MTAP: variants seen among roughly 807,000 people sequenced by gnomAD.
The protein encoded by MTAP is methylthioadenosine phosphorylase, also known as S-methyl-5'-thioadenosine phosphorylase.
A neutral mutation model predicts 33.6 loss-of-function variants in MTAP; 33 were observed. That is an observed-to-expected ratio of 0.98 (90% CI 0.74 to 1.31). MTAP has a LOEUF of 1.31. MTAP is among the 40% of genes most tolerant of loss of function. The pLI is 0.00. For synonymous variants in MTAP, 148 were observed against 125.7 expected (o/e 1.18, Z -1.19); for missense variants, 367 against 360.0 (o/e 1.02, Z -0.16).
chr9:21,900,670 A>G (rs1818376539), intron 1 of MTAP, among the ~76,000 whole-genome samples: 1 of 152,240 alleles, frequency 6.6e-6, no homozygotes, highest in Non-Finnish European at 1.5e-5. Context: ...TACTGGGTAT[A>G]TACCCAAACG....
intron 1 of MTAP, among the ~76,000 whole-genome samples, chr9:21,902,057 A>C (rs1818401482): frequency 6.6e-6 from 1 of 152,226 alleles, no homozygotes; most frequent in African/African-American, 2.4e-5. Flanking sequence ...ACAGGCAAGG[A>C]ACAGGTGCCA....
At chr9:21,919,983 A>G (rs945027962) in intron 1 of MTAP, among the ~76,000 whole-genome samples, 1 of 152,188 alleles carries the variant, frequency 6.6e-6, no homozygotes, top group African/African-American at 2.4e-5. Context: ...AGTTATTTCT[A>G]AACAGAACTT....
At chr9:21,822,551 T>C (rs1341534891) in intron 4 of MTAP, among the ~76,000 whole-genome samples, 1 of 152,192 alleles carries the variant, frequency 6.6e-6, no homozygotes, top group African/African-American at 2.4e-5. Flanking sequence ...TACTTCCAAC[T>C]ATGTGGTCAA....
chr9:21,923,032 T>A (rs553744381), intron 1 of MTAP, among the ~76,000 whole-genome samples: 1 of 152,228 alleles, frequency 6.6e-6, no homozygotes, highest in Non-Finnish European at 1.5e-5. Context: ...CCCACCACAC[T>A]GTCTACCTCA....
At position 21,908,289 on chromosome 9, in the gene MTAP, T is replaced by A. The variant is rs1000563764; in HGVS notation, c.148-22719T>A. 2.0e-5 allele frequency among the ~76,000 whole-genome samples: 3 copies of A among 152,304 alleles called. No homozygotes were observed. The East Asian group carries it at 5.8e-4, about 29-fold the overall frequency. ...GGAGATTCACCTAGATTGTTGCCTG[T>A]ATCAATATTTTTATTCCATTCTATT... On this transcript the variant is annotated intron_variant, in intron 1 of 1. Coordinates refer to the MTAP transcript ENST00000577563.
intron 1 of MTAP, among the ~76,000 whole-genome samples, chr9:21,873,357 C>A (rs1825961828): frequency 6.6e-6 from 1 of 152,098 alleles, no homozygotes. Flanking sequence ...ATTTCTGTGT[C>A]CTCCTAAAAT....
downstream of MTAP, among the ~76,000 whole-genome samples, chr9:21,870,703 C>T (rs1055189851): frequency 6.6e-5 from 10 of 151,174 alleles, 1 homozygote; most frequent in Admixed American, 5.9e-4. Flanking sequence ...AATTTTTATT[C>T]TTCAAATACT....
At chr9:21,838,543 A>T (rs1825165807) in intron 5 of MTAP, among the ~76,000 whole-genome samples, 1 of 152,218 alleles carries the variant, frequency 6.6e-6, no homozygotes, top group Admixed American at 6.5e-5. Context: ...GCTTTTGTGA[A>T]TTAAATTACT....
chr9:21,892,554 C>G (rs748303772), intron 1 of MTAP: 5 of 152,148 alleles, frequency 3.3e-5, no homozygotes, highest in Non-Finnish European at 7.4e-5. Flanking sequence ...GGGTTTAATT[C>G]CACAGGAAGA....
In MTAP at chr9:21,878,745, G is replaced by A. The variant is rs577448943; in HGVS notation, c.147+23875G>A. 2.4e-4 allele frequency among the ~76,000 whole-genome samples: 36 copies of A among 152,244 alleles called. No homozygotes were observed. In the South Asian group the frequency reaches 6.0e-3, roughly 25 times the overall value. Reference sequence around the variant, plus strand: ...TGTTTTGTGTGTTCCAGAAATTTTAGCAAGTTGTATCTCTGTTCTCATTAG... The same window carrying A: ...TGTTTTGTGTGTTCCAGAAATTTTAACAAGTTGTATCTCTGTTCTCATTAG... On this transcript the variant is annotated intron_variant, in intron 1 of 1. Transcript: ENST00000577563.
In MTAP at chr9:21,864,203, T is replaced by C. The variant is rs905348704; in HGVS notation, c.*2189T>C. The C allele has an allele frequency of 2.0e-6, 2 of 985,328 alleles. No individual in the cohort carries two copies. The highest frequency in any genetic ancestry group is 2.4e-6 in the Non-Finnish European group (2 of 829,938). 61.0% of individuals were successfully genotyped at this position (985,328 alleles called of 1,614,324 possible). A position where few individuals can be genotyped will look rare whatever the true frequency, so the allele number is the denominator to read the frequency against. ...TTCTCTAGCAACATCATTTTCAGAC[T>C]AACTAAATGAATGCAGTATACTCTT... On this transcript the variant is annotated 3_prime_UTR_variant, in exon 8 of 8. Transcript: ENST00000644715.
intron 4 of MTAP, among the ~76,000 whole-genome samples, chr9:21,822,284 T>G (rs1312200582): frequency 6.6e-6 from 1 of 152,242 alleles, no homozygotes; most frequent in Non-Finnish European, 1.5e-5. Context: ...TAAATTTCCC[T>G]CTACACACTG....
At chr9:21,889,277 G>C (rs1307208601) in intron 1 of MTAP, among the ~76,000 whole-genome samples, 1 of 151,822 alleles carries the variant, frequency 6.6e-6, no homozygotes, top group Non-Finnish European at 1.5e-5. Flanking sequence ...TTGTTGAATT[G>C]TTTCATCCAT....
At chr9:21,817,123 A>G (rs1470088048) in intron 3 of MTAP, among the ~76,000 whole-genome samples, 2 of 152,176 alleles carry the variant, frequency 1.3e-5, no homozygotes, top group Non-Finnish European at 2.9e-5. Context: ...GGTAGTAGTT[A>G]TATGTCTGTG....
At chr9:21,860,433 C>T (rs1000711775) in intron 7 of MTAP, 5 of 152,114 alleles carry the variant, frequency 3.3e-5, no homozygotes, top group South Asian at 2.1e-4. Context: ...TTAGGACTGA[C>T]GGTCAAGAAT....
At position 21,922,981 on chromosome 9, in the gene MTAP, C is replaced by T. The variant is rs976915959; in HGVS notation, c.148-8027C>T. On this transcript the variant is annotated intron_variant, in intron 1 of 1. Coordinates refer to the MTAP transcript ENST00000577563. This position sits in a 1 kb window ranked among gnomAD's most constrained non-coding sequence, Gnocchi z 4.8. ...TTCCCCAAAACCCACACCACCTATT[C>T]TCCTGTTTTCTCTGTGTGTGTTCTG... Among the ~76,000 whole-genome samples the T allele has an allele frequency of 6.6e-6, 1 of 152,222 alleles. No homozygotes were observed. The highest frequency in any genetic ancestry group is 2.4e-5 in the African/African-American group (1 of 41,460).
At chr9:21,905,516 C>A (rs1818462314) in intron 1 of MTAP, among the ~76,000 whole-genome samples, 1 of 152,256 alleles carries the variant, frequency 6.6e-6, no homozygotes, top group South Asian at 2.1e-4. Context: ...AAATCACTGT[C>A]TTTTCCAGGA....
At chr9:21,920,840 A>T (rs559719383) in intron 1 of MTAP, among the ~76,000 whole-genome samples, 1 of 152,264 alleles carries the variant, frequency 6.6e-6, no homozygotes, top group South Asian at 2.1e-4. Flanking sequence ...GAGGATTTTT[A>T]CAACTATGTT....
downstream of MTAP, among the ~76,000 whole-genome samples, chr9:21,870,460 C>T (rs1394936438): frequency 1.3e-5 from 2 of 152,170 alleles, no homozygotes; most frequent in Non-Finnish European, 2.9e-5. Flanking sequence ...CTTCCCAATA[C>T]ATATGGCTTG....
Sources: allele counts gnomAD v4.1 joint callset (sites outside exome capture counted in the v4.1 genomes callset), GRCh38; gene constraint gnomAD v4.1.1; non-coding constraint Gnocchi (gnomAD v3.1); transcripts MANE v1.5; gene names NCBI Gene and HGNC (gene_info 2026-07-23, HGNC 2026-07-21).